The following TTC28 variants were observed in gnomAD, a reference collection of about 807,000 sequenced individuals.
TTC28 encodes the protein tetratricopeptide repeat protein 28.
TTC28 carries 61 observed loss-of-function variants against 198.0 expected under a neutral mutation model. That is an observed-to-expected ratio of 0.31 (90% CI 0.25 to 0.38). The LOEUF (loss-of-function observed/expected upper bound fraction) is 0.38. Among genes scored for constraint, TTC28 ranks in the 10% least tolerant of loss-of-function variants. The pLI is 1.00. For synonymous variants in TTC28, 1,171 were observed against 1,297.8 expected (o/e 0.90, Z 2.10); for missense variants, 2,678 against 3,164.0 (o/e 0.85, Z 3.69).
intron 17 of TTC28, among the ~76,000 whole-genome samples, chr22:27,995,839 G>A (rs540724228): frequency 7.9e-5 from 12 of 152,304 alleles, no homozygotes; most frequent in Non-Finnish European, 1.5e-4. Flanking sequence ...ACAGCCACCT[G>A]TATGGCACCA....
intron 5 of TTC28, among the ~76,000 whole-genome samples, chr22:28,289,067 AGTC>A (rs1363607146): frequency 6.6e-6 from 1 of 152,210 alleles, no homozygotes; most frequent in African/African-American, 2.4e-5. Context: ...GTACTGCAAC[AGTC>A]TAGGTAAAAG....
chr22:28,395,825 G>T (rs1465017762), intron 2 of TTC28, among the ~76,000 whole-genome samples: 1 of 152,032 alleles, frequency 6.6e-6, no homozygotes, highest in Non-Finnish European at 1.5e-5. Flanking sequence ...TGCACCCAAG[G>T]TCTAATAACC....
rs534198783 is a variant in TTC28 at position 28,426,227 on chromosome 22, A to G, written c.382-119584T>C. Among the ~76,000 whole-genome samples the G allele has an allele frequency of 9.0e-4, 137 of 151,686 alleles. 2 individuals are homozygous for G. In the South Asian group the frequency reaches 0.023, roughly 25 times the overall value. ...ACTCCACGTCAAAAAAAAAAAAAAA[A>G]AAAAGAAAGAAAGAAAATTCAAAAG... On this transcript the variant is annotated intron_variant, in intron 2 of 22. Transcript: ENST00000397906.
At chr22:28,502,647 C>CAA (rs369120193) in intron 2 of TTC28, among the ~76,000 whole-genome samples, 3 of 142,076 alleles carry the variant, frequency 2.1e-5, no homozygotes, top group Non-Finnish European at 3.1e-5. Context: ...GGCTCCGTCT[C>CAA]AAAAAAAAAA....
At chr22:28,591,040 CATATATATATATAT>C (rs377761638) in intron 2 of TTC28, among the ~76,000 whole-genome samples, 29 of 30,750 alleles carry the variant, frequency 9.4e-4, no homozygotes, top group African/African-American at 1.5e-3. Context: ...CACACACACA[CATATATATATATAT>C]ATATATATAT....
At chr22:28,449,177 A>G (rs1220396078) in intron 2 of TTC28, among the ~76,000 whole-genome samples, 1 of 152,208 alleles carries the variant, frequency 6.6e-6, no homozygotes, top group African/African-American at 2.4e-5. Flanking sequence ...GAAGCCCTAA[A>G]GAGTAATTAG....
intron 14 of TTC28, among the ~76,000 whole-genome samples, chr22:28,013,307 T>A (rs1031892429): frequency 6.6e-6 from 1 of 152,236 alleles, no homozygotes; most frequent in Non-Finnish European, 1.5e-5. Flanking sequence ...GCTCGCCTGC[T>A]GCAGGCTCCC....
At chr22:28,085,162 G>A (rs1941531133) in intron 12 of TTC28, among the ~76,000 whole-genome samples, 1 of 152,030 alleles carries the variant, frequency 6.6e-6, no homozygotes, top group South Asian at 2.1e-4. Flanking sequence ...TACAGAGAAT[G>A]CCAGAAAGAT....
chr22:27,993,795 C>T (rs879930880), intron 17 of TTC28, among the ~76,000 whole-genome samples: 7 of 152,290 alleles, frequency 4.6e-5, no homozygotes, highest in East Asian at 1.9e-4. Flanking sequence ...CCACACTCTC[C>T]GCAGACAGTA....
intron 5 of TTC28, among the ~76,000 whole-genome samples, chr22:28,182,821 T>G (rs960201121): frequency 1.3e-5 from 2 of 152,186 alleles, no homozygotes; most frequent in Non-Finnish European, 2.9e-5. Context: ...AGACAGAGAA[T>G]TTTACAGCTG....
At chr22:28,509,526 T>A (rs1204101677) in intron 2 of TTC28, among the ~76,000 whole-genome samples, 1 of 152,172 alleles carries the variant, frequency 6.6e-6, no homozygotes, top group Admixed American at 6.5e-5. Flanking sequence ...GGGATGCAGT[T>A]AAAGCGGTGT....
intron 5 of TTC28, among the ~76,000 whole-genome samples, chr22:28,184,618 T>C (rs1924020293): frequency 6.6e-6 from 1 of 152,160 alleles, no homozygotes; most frequent in Non-Finnish European, 1.5e-5. Flanking sequence ...ACTAAAATTA[T>C]TATTTTTTGA....
At chr22:28,586,266 G>A (rs536006345) in intron 2 of TTC28, among the ~76,000 whole-genome samples, 7 of 148,832 alleles carry the variant, frequency 4.7e-5, no homozygotes, top group African/African-American at 7.4e-5. Flanking sequence ...GCAACTGAGC[G>A]AGACTCCGTC....
At chr22:28,545,678 C>T (rs1175649515) in intron 2 of TTC28, among the ~76,000 whole-genome samples, 1 of 152,082 alleles carries the variant, frequency 6.6e-6, no homozygotes, top group Non-Finnish European at 1.5e-5. Context: ...ATTTCTAATA[C>T]TAGCAATAGA....
intron 2 of TTC28, among the ~76,000 whole-genome samples, chr22:28,491,027 T>C (rs866567005): frequency 6.6e-6 from 1 of 152,148 alleles, no homozygotes; most frequent in African/African-American, 2.4e-5. Flanking sequence ...AGAAGTTTTT[T>C]GGGGGGAAAT....
intron 2 of TTC28, among the ~76,000 whole-genome samples, chr22:28,609,072 C>A (rs901240147): frequency 3.3e-5 from 5 of 152,146 alleles, no homozygotes; most frequent in Non-Finnish European, 7.4e-5. Context: ...AGAAACTGTT[C>A]ATGATAAGAA....
At chr22:28,422,139 A>G (rs1050824690) in intron 2 of TTC28, among the ~76,000 whole-genome samples, 1 of 152,186 alleles carries the variant, frequency 6.6e-6, no homozygotes, top group Non-Finnish European at 1.5e-5. Flanking sequence ...GCAGAGCACA[A>G]AATGTTATAC....
At position 28,467,378 on chromosome 22, in the gene TTC28, T is replaced by G. The variant is rs1244804106; in HGVS notation, c.382-160735A>C. On this transcript the variant is annotated intron_variant, in intron 2 of 22. Coordinates refer to ENST00000397906, the MANE Select transcript of TTC28 (RefSeq NM_001145418.2). ...GGTCAGGGTTGCTGTGAGCTGTGAT[T>G]GCACCACTGCACTCCAGCCTAGGTG... 2.0e-5 allele frequency among the ~76,000 whole-genome samples: 3 copies of G among 152,260 alleles called. No homozygotes were observed. In the East Asian group the frequency reaches 5.8e-4, roughly 29 times the overall value.
At chr22:28,586,356 T>C (rs1003990271) in intron 2 of TTC28, among the ~76,000 whole-genome samples, 46 of 151,662 alleles carry the variant, frequency 3.0e-4, no homozygotes, top group African/African-American at 1.1e-3. Flanking sequence ...TTGGACACAG[T>C]TTTACAAATA....
Sources: allele counts gnomAD v4.1 joint callset (sites outside exome capture counted in the v4.1 genomes callset), GRCh38; gene constraint gnomAD v4.1.1; transcripts MANE v1.5; gene names NCBI Gene and HGNC (gene_info 2026-07-23, HGNC 2026-07-21).